The following CEP70 variants were observed in gnomAD, a reference collection of about 807,000 sequenced individuals.
The protein encoded by CEP70 is centrosomal protein 70.
CEP70 carries 70 observed loss-of-function variants against 90.9 expected under a neutral mutation model. The observed-to-expected ratio is 0.77, with a 90% CI of 0.64 to 0.94. CEP70 has a LOEUF of 0.94. CEP70 is among the 40% of genes least tolerant of loss of function. CEP70 has a pLI of 0.00. For missense variants in CEP70, 648 were observed against 669.0 expected, an observed-to-expected ratio of 0.97 and a Z score of 0.35; for synonymous variants, 220 against 228.3, an observed-to-expected ratio of 0.96 and a Z score of 0.33.
intron 11 of CEP70, among the ~76,000 whole-genome samples, chr3:138,510,856 CTTTTTTTTTTT>C (rs869032871): frequency 9.3e-6 from 1 of 107,034 alleles, no homozygotes; most frequent in Non-Finnish European, 1.9e-5. Flanking sequence ...CTTTTTCCAT[CTTTTTTTTTTT>C]TTTTTTTTTT....
intron 6 of CEP70, among the ~76,000 whole-genome samples, chr3:138,549,391 C>T (rs184772767): frequency 7.9e-5 from 12 of 151,806 alleles, no homozygotes; most frequent in South Asian, 4.2e-4. Context: ...GGAGTGAGAC[C>T]GGCCTTTTGG....
At chr3:138,546,991 A>G (rs2039258169) in intron 6 of CEP70, among the ~76,000 whole-genome samples, 1 of 152,208 alleles carries the variant, frequency 6.6e-6, no homozygotes, top group South Asian at 2.1e-4. Flanking sequence ...GAACTATTTC[A>G]TCTTATAAGA....
intron 6 of CEP70, among the ~76,000 whole-genome samples, chr3:138,558,162 C>T (rs1197239419): frequency 3.3e-5 from 5 of 152,214 alleles, no homozygotes; most frequent in African/African-American, 4.8e-5. Flanking sequence ...GTCAGGAGTT[C>T]GAGACTAGCC....
chr3:138,532,860 T>A (rs560854218), intron 7 of CEP70, among the ~76,000 whole-genome samples: 1 of 152,298 alleles, frequency 6.6e-6, no homozygotes, highest in South Asian at 2.1e-4. Flanking sequence ...CCCACAGAAA[T>A]AAGTCAAAGG....
At chr3:138,503,366 C>T (rs2034688710) in intron 13 of CEP70, among the ~76,000 whole-genome samples, 1 of 152,176 alleles carries the variant, frequency 6.6e-6, no homozygotes, top group Admixed American at 6.5e-5. Flanking sequence ...CTTTTAATGG[C>T]TGAATAATAT....
chr3:138,571,100 A>G lies in CEP70; in HGVS notation c.218T>C (p.Leu73Ser), dbSNP rs2041143003. Residue 73 changes from leucine to serine, a missense_variant, in exon 5 of 18, where the codon TTG (leucine) becomes TCG (serine). Physicochemically the swap from Leu to Ser is moderately radical, Grantham distance 145 (BLOSUM62 -2). Coordinates refer to ENST00000264982, the MANE Select transcript of CEP70 (RefSeq NM_024491.4). ...SQRMRQNLKLLVEETSCQQNM... is the reference protein window; with the variant it reads ...SQRMRQNLKLSVEETSCQQNM... ...CTGTTGACATGATGTTTCTTCCACCAACAATTTCAAATTCTGTCTCATCCT... is the reference window on the plus strand; with the variant it reads ...CTGTTGACATGATGTTTCTTCCACCGACAATTTCAAATTCTGTCTCATCCT... 3.1e-6 allele frequency: 5 copies of G among 1,606,580 alleles called. No homozygotes were observed. The highest frequency in any genetic ancestry group is 4.3e-6 in the Non-Finnish European group (5 of 1,174,334).
At chr3:138,498,006 T>G (rs1201145211) in intron 17 of CEP70, 25 bp downstream of exon 17, 1 of 1,611,316 alleles carries the variant, frequency 6.2e-7, no homozygotes, top group Admixed American at 1.7e-5. Flanking sequence ...ACTCAAAATT[T>G]CACCATCACC....
intron 11 of CEP70, among the ~76,000 whole-genome samples, chr3:138,520,100 T>C (rs1216876769): frequency 2.0e-5 from 3 of 152,276 alleles, no homozygotes; most frequent in Admixed American, 2.0e-4. Flanking sequence ...CATTACATAA[T>C]GGTAAAGGCA....
intron 6 of CEP70, among the ~76,000 whole-genome samples, chr3:138,546,477 G>A (rs950026583): frequency 1.3e-4 from 20 of 152,048 alleles, no homozygotes; most frequent in African/African-American, 4.6e-4. Context: ...AGCCAGATGC[G>A]GTGGCTCATG....
intron 2 of CEP70, among the ~76,000 whole-genome samples, chr3:138,582,750 C>T (rs1442313859): frequency 6.6e-6 from 1 of 152,068 alleles, no homozygotes; most frequent in East Asian, 1.9e-4. Flanking sequence ...GGTGACAGAA[C>T]TAGACTCCAT....
At position 138,495,800 on chromosome 3, in the gene CEP70, T is replaced by C. The variant is rs969842698; in HGVS notation, c.1733-724A>G. ...CCCAGAGGCAGAGGTTGCAGTGAGCTGAGATTGCGTCACTGCACTCTGGCC... is the reference window on the plus strand; with the variant it reads ...CCCAGAGGCAGAGGTTGCAGTGAGCCGAGATTGCGTCACTGCACTCTGGCC... On this transcript the variant is annotated intron_variant, in intron 17 of 17. Transcript: ENST00000264982. The C allele has an allele frequency of 1.1e-5, 9 of 794,542 alleles. No individual in the cohort carries two copies. The Admixed American group carries it at 4.4e-4, about 39-fold the overall frequency. 49.2% of individuals were successfully genotyped at this position (794,542 alleles called of 1,614,324 possible).
At chr3:138,542,097 G>T (rs970388013) in intron 6 of CEP70, among the ~76,000 whole-genome samples, 1 of 152,216 alleles carries the variant, frequency 6.6e-6, no homozygotes, top group Admixed American at 6.5e-5. Context: ...CCTGCTAAGG[G>T]CAAGCCAGGT....
chr3:138,571,155 G>C lies in CEP70; in HGVS notation c.163C>G (p.Leu55Val), dbSNP rs146390730. 4 of 1,585,480 alleles carry C rather than the reference G, an allele frequency of 2.5e-6. No homozygotes were observed. In the South Asian group the frequency reaches 3.5e-5, roughly 14 times the overall value. Residue 55 changes from leucine to valine, a missense_variant and splice_region_variant, in exon 5 of 18, where the codon CTC (leucine) becomes GTC (valine). Physicochemically the swap from Leu to Val is conservative, Grantham distance 32. Transcript: ENST00000264982. Reference sequence around the variant, plus strand: ...GATGACTGTTTGTCAAAAATGATGAGATCTACATTTAAAAAGTATATAATA... The same window carrying C: ...GATGACTGTTTGTCAAAAATGATGACATCTACATTTAAAAAGTATATAATA... ...SLVKRTDLKD[L>V]IIFDKQSSQR...
At chr3:138,507,989 G>C (rs1576547802) in intron 12 of CEP70, among the ~76,000 whole-genome samples, 1 of 152,206 alleles carries the variant, frequency 6.6e-6, no homozygotes, top group East Asian at 1.9e-4. Context: ...TTCAATAAAT[G>C]ATCTATAAAA....
intron 7 of CEP70, among the ~76,000 whole-genome samples, chr3:138,533,589 A>G (rs528000574): frequency 6.6e-6 from 1 of 152,256 alleles, no homozygotes; most frequent in East Asian, 1.9e-4. Context: ...TCGGTGAACA[A>G]CACAACAATA....
chr3:138,497,829 A>G lies in CEP70; in HGVS notation c.1732+202T>C, dbSNP rs1395738307. ...AGGTCCTCCAACAAAGGTAGTTCCT[A>G]TTGCTGTTAAGGGTCTGTGTTTCTG... On this transcript the variant is annotated intron_variant, in intron 17 of 17. Coordinates refer to ENST00000264982, the MANE Select transcript of CEP70 (RefSeq NM_024491.4). The G allele has an allele frequency of 4.1e-6, 4 of 985,300 alleles. No homozygotes were observed. The African/African-American group carries it at 7.0e-5, about 17-fold the overall frequency. 61.0% of individuals were successfully genotyped at this position (985,300 alleles called of 1,614,324 possible).
intron 2 of CEP70, among the ~76,000 whole-genome samples, chr3:138,574,221 T>G (rs555448812): frequency 6.6e-6 from 1 of 152,170 alleles, no homozygotes; most frequent in South Asian, 2.1e-4. Context: ...ACCAGGAAAA[T>G]CCAGACACTG....
intron 7 of CEP70, 94 bp from the exon 8 acceptor site, chr3:138,532,664 G>A: frequency 9.0e-7 from 1 of 1,114,408 alleles, no homozygotes; most frequent in Non-Finnish European, 1.2e-6. Flanking sequence ...CAGTGTAAAA[G>A]TAAGTACAGA....
intron 6 of CEP70, among the ~76,000 whole-genome samples, chr3:138,550,817 A>C (rs137956191): frequency 7.5e-4 from 115 of 152,352 alleles, no homozygotes; most frequent in African/African-American, 2.7e-3. Context: ...CAATCCAACA[A>C]TGACAAAGAA....
Sources: allele counts gnomAD v4.1 joint callset (sites outside exome capture counted in the v4.1 genomes callset), GRCh38; gene constraint gnomAD v4.1.1; transcripts MANE v1.5; gene names NCBI Gene and HGNC (gene_info 2026-07-23, HGNC 2026-07-21).